Variants in SLC8A1 observed in about 807,000 individuals in gnomAD.
The protein encoded by SLC8A1 is solute carrier family 8 member A1.
A neutral mutation model predicts 68.3 loss-of-function variants in SLC8A1; 18 were observed. The observed-to-expected ratio is 0.26, with a 90% CI of 0.18 to 0.39. The LOEUF (loss-of-function observed/expected upper bound fraction) is 0.39. Ranked by LOEUF, SLC8A1 falls within the 10% of genes least tolerant of loss-of-function variation. The probability of loss-of-function intolerance (pLI) is 1.00; values close to 1 mark genes in which losing one functional copy is unlikely to be tolerated. For synonymous variants in SLC8A1, 475 were observed against 415.5 expected (o/e 1.14, Z -1.74); for missense variants, 985 against 1,156.7 (o/e 0.85, Z 2.15).
intron 2 of SLC8A1, among the ~76,000 whole-genome samples, chr2:40,210,549 T>C (rs373633169): frequency 1.3e-5 from 2 of 152,216 alleles, no homozygotes; most frequent in Non-Finnish European, 2.9e-5. Flanking sequence ...GTAGTGTATA[T>C]GCTTTCTTCG....
intron 1 of SLC8A1, among the ~76,000 whole-genome samples, chr2:40,510,047 C>T (rs60079242): frequency 0.08 from 12,165 of 152,124 alleles, 917 homozygotes; most frequent in East Asian, 0.4. Flanking sequence ...AGGAGGGTCT[C>T]GATCTCTTGA....
At chr2:40,212,621 T>G (rs997698582) in intron 2 of SLC8A1, among the ~76,000 whole-genome samples, 1 of 152,162 alleles carries the variant, frequency 6.6e-6, no homozygotes, top group Non-Finnish European at 1.5e-5. Context: ...ATCCTGTTGT[T>G]TCTCTTCAGA....
In SLC8A1 at chr2:40,271,086, A is replaced by G. The variant is rs538897749; in HGVS notation, c.1809-93231T>C. ...TATTTTCCACACAGTAGCCAGAGTT[A>G]TCCTTAAAAACACAATCACAGTATG... On this transcript the variant is annotated intron_variant, in intron 2 of 7. Coordinates refer to ENST00000406785, the Ensembl canonical transcript of SLC8A1. Among the ~76,000 whole-genome samples, 14 of 152,232 alleles carry G rather than the reference A, an allele frequency of 9.2e-5. No individual in the cohort carries two copies. The South Asian group carries it at 2.9e-3, about 32-fold the overall frequency.
At position 40,342,712 on chromosome 2, in the gene SLC8A1, G is replaced by A. The variant is rs146066640; in HGVS notation, c.1808+85761C>T. Among the ~76,000 whole-genome samples, 63 of 152,200 alleles carry A rather than the reference G, an allele frequency of 4.1e-4. No homozygotes were observed. The East Asian group carries it at 8.9e-3, about 21-fold the overall frequency. On this transcript the variant is annotated intron_variant, in intron 2 of 7. Coordinates refer to ENST00000406785, the Ensembl canonical transcript of SLC8A1. ...ATACACTATTGCAATTGTATTCAAC[G>A]ATACTAAAGTCTCACACAATAAACT...
At chr2:40,438,373 T>TA (rs766267728) in intron 1 of SLC8A1, among the ~76,000 whole-genome samples, 5 of 152,160 alleles carry the variant, frequency 3.3e-5, no homozygotes, top group Non-Finnish European at 7.4e-5. Context: ...CATTTAATCT[T>TA]AAAAATCTGT....
At chr2:40,117,564 CAAAA>C (rs1204933800) in intron 7 of SLC8A1, among the ~76,000 whole-genome samples, 2 of 98,598 alleles carry the variant, frequency 2.0e-5, no homozygotes, top group South Asian at 3.2e-4. Flanking sequence ...GACTCCATCT[CAAAA>C]AAAAAAAAAA....
chr2:40,154,830 A>AATT (rs1196577437), intron 6 of SLC8A1, among the ~76,000 whole-genome samples: 2 of 151,056 alleles, frequency 1.3e-5, no homozygotes, highest in Non-Finnish European at 3.0e-5. Flanking sequence ...ACACCCGGCT[A>AATT]ATTTTTTATT....
At chr2:40,417,204 G>A (rs1231514734) in intron 2 of SLC8A1, among the ~76,000 whole-genome samples, 2 of 151,946 alleles carry the variant, frequency 1.3e-5, no homozygotes, top group African/African-American at 2.4e-5. Flanking sequence ...TACATATGCA[G>A]GTTTGTTATA....
chr2:40,233,850 G>A (rs1574450182), intron 2 of SLC8A1, among the ~76,000 whole-genome samples: 1 of 151,760 alleles, frequency 6.6e-6, no homozygotes, highest in East Asian at 1.9e-4. Flanking sequence ...TTATTAAATA[G>A]GGAATCCTTT....
At chr2:40,211,000 G>C (rs1403761901) in intron 2 of SLC8A1, among the ~76,000 whole-genome samples, 1 of 152,236 alleles carries the variant, frequency 6.6e-6, no homozygotes, top group Non-Finnish European at 1.5e-5. Flanking sequence ...TCATTTTCTA[G>C]TGGTATATCA....
chr2:40,131,779 C>T (rs1406083687), intron 7 of SLC8A1, among the ~76,000 whole-genome samples: 3 of 150,602 alleles, frequency 2.0e-5, no homozygotes, highest in Admixed American at 1.3e-4. Flanking sequence ...TGGTCTAGCT[C>T]GGGAAGACCA....
At chr2:40,306,330 G>T (rs2072586604) in intron 2 of SLC8A1, among the ~76,000 whole-genome samples, 1 of 152,022 alleles carries the variant, frequency 6.6e-6, no homozygotes, top group African/African-American at 2.4e-5. Context: ...AGATTTTTTG[G>T]TTATTTATCT....
At position 40,166,208 on chromosome 2, in the gene SLC8A1, A is replaced by G. The variant is rs191414669; in HGVS notation, c.1931-1224T>C. 7.4e-4 allele frequency among the ~76,000 whole-genome samples: 113 copies of G among 152,258 alleles called. 1 individual carries two copies. The highest frequency in any genetic ancestry group is 6.8e-3 in the Middle Eastern group (2 of 294). ...CTCCCCCCTGCTGAGGGACCACGCT[A>G]TGGTGGCTCCATTGTTGCTTTGGCA... On this transcript the variant is annotated intron_variant, in intron 4 of 7. Coordinates refer to ENST00000406785, the Ensembl canonical transcript of SLC8A1.
At chr2:40,177,065 T>G (rs1432699695) in intron 3 of SLC8A1, among the ~76,000 whole-genome samples, 1 of 152,220 alleles carries the variant, frequency 6.6e-6, no homozygotes, top group Non-Finnish European at 1.5e-5. Flanking sequence ...TTTATATGTG[T>G]TAATAATTTA....
chr2:40,511,416 A>G (rs956317996), intron 1 of SLC8A1, among the ~76,000 whole-genome samples: 5 of 152,178 alleles, frequency 3.3e-5, no homozygotes, highest in African/African-American at 9.6e-5. Flanking sequence ...CTTTAATTTA[A>G]TAACTACAAT....
chr2:40,393,744 C>T (rs938050681), intron 2 of SLC8A1, among the ~76,000 whole-genome samples: 6 of 152,096 alleles, frequency 3.9e-5, no homozygotes, highest in Non-Finnish European at 7.4e-5. Flanking sequence ...TTAGATACTA[C>T]AGTTGGAAAA....
At chr2:40,222,401 A>G (rs768785570) in intron 2 of SLC8A1, among the ~76,000 whole-genome samples, 13 of 152,168 alleles carry the variant, frequency 8.5e-5, no homozygotes, top group South Asian at 2.1e-4. Flanking sequence ...ACTTCAGCAT[A>G]AGACCTAAAA....
At chr2:40,357,065 C>T (rs572729561) in intron 2 of SLC8A1, among the ~76,000 whole-genome samples, 30 of 152,252 alleles carry the variant, frequency 2.0e-4, no homozygotes, top group Admixed American at 6.5e-5. Flanking sequence ...AGAACTTTTA[C>T]GAATGTAGAT....
intron 2 of SLC8A1, among the ~76,000 whole-genome samples, chr2:40,227,533 A>G (rs1334860641): frequency 1.3e-5 from 2 of 152,064 alleles, no homozygotes; most frequent in East Asian, 1.9e-4. Context: ...ACATGAACAC[A>G]GAGGGAAACA....
Sources: allele counts gnomAD v4.1 joint callset (sites outside exome capture counted in the v4.1 genomes callset), GRCh38; gene constraint gnomAD v4.1.1; transcripts MANE v1.5; gene names NCBI Gene and HGNC (gene_info 2026-07-23, HGNC 2026-07-21).